DLG2: variants seen among roughly 807,000 people sequenced by gnomAD.
DLG2 encodes disks large homolog 2.
In DLG2, 45 loss-of-function variants were observed where a neutral mutation model predicts 132.5. That is an observed-to-expected ratio of 0.34 (90% CI 0.27 to 0.44). The LOEUF (loss-of-function observed/expected upper bound fraction) is 0.44. Ranked by LOEUF, DLG2 falls within the 20% of genes least tolerant of loss-of-function variation. The pLI is 1.00. For missense variants in DLG2, 1,045 were observed against 1,196.9 expected (o/e 0.87, Z 1.87); for synonymous variants, 424 against 419.6 (o/e 1.01, Z -0.13).
chr11:84,993,937 G>A (rs75743483), intron 6 of DLG2, among the ~76,000 whole-genome samples: 1,630 of 152,200 alleles, frequency 0.011, 39 homozygotes, highest in African/African-American at 0.037. Flanking sequence ...CCCATGAAAG[G>A]AGCGCTCCCT....
intron 9 of DLG2, among the ~76,000 whole-genome samples, chr11:84,129,918 G>C (rs1332901242): frequency 2.0e-5 from 3 of 151,822 alleles, no homozygotes; most frequent in Non-Finnish European, 1.5e-5. Context: ...ATTTTCATAA[G>C]ACAATTACCA....
chr11:84,362,876 A>G (rs935531026), intron 7 of DLG2, among the ~76,000 whole-genome samples: 5 of 152,144 alleles, frequency 3.3e-5, no homozygotes, highest in Admixed American at 3.3e-4. Context: ...TCCATGGTGT[A>G]TATGTGCCAT....
Position 85,544,859 on chromosome 11 carries a change from A to T in DLG2, c.40+53798T>A, listed in dbSNP as rs193066257. Among the ~76,000 whole-genome samples, 108 of 152,296 alleles carry T rather than the reference A, an allele frequency of 7.1e-4. 1 individual carries two copies. Among genetic ancestry groups the T allele is most frequent in the Admixed American group, 2.3e-3 (35 of 15,296 alleles). On this transcript the variant is annotated intron_variant, in intron 3 of 27. Transcript: ENST00000376104. ...ATTTTGTATCAATCAAACTTTGCTG[A>T]AGTTGGTTATCAGCTTAAGGAGACT...
intron 18 of DLG2, among the ~76,000 whole-genome samples, chr11:83,772,625 A>G (rs978256818): frequency 2.0e-5 from 3 of 151,942 alleles, no homozygotes; most frequent in African/African-American, 7.2e-5. Flanking sequence ...GAAAGGAAAG[A>G]AGGAAGATCT....
intron 19 of DLG2, among the ~76,000 whole-genome samples, chr11:83,552,487 C>A (rs1049093850): frequency 1.3e-5 from 2 of 152,068 alleles, no homozygotes; most frequent in Admixed American, 6.5e-5. Context: ...TCCTAGGAAG[C>A]CTCATCAGGT....
chr11:83,680,768 A>G (rs574623334), intron 18 of DLG2, among the ~76,000 whole-genome samples: 3 of 152,314 alleles, frequency 2.0e-5, no homozygotes, highest in East Asian at 1.9e-4. Context: ...AGTTTTTGGT[A>G]TAATCAGAAA....
At chr11:85,108,177 AT>A (rs2072120317) in intron 6 of DLG2, among the ~76,000 whole-genome samples, 1 of 152,104 alleles carries the variant, frequency 6.6e-6, no homozygotes, top group Non-Finnish European at 1.5e-5. Context: ...AAATGCAGAC[AT>A]GAAAACCAAG....
intron 16 of DLG2, among the ~76,000 whole-genome samples, chr11:83,849,043 T>C (rs1307555786): frequency 1.3e-5 from 2 of 152,188 alleles, no homozygotes; most frequent in African/African-American, 4.8e-5. Context: ...ATCTATTCAA[T>C]TTTTTGAAGA....
intron 6 of DLG2, among the ~76,000 whole-genome samples, chr11:85,073,704 A>G (rs961486460): frequency 1.3e-5 from 2 of 151,864 alleles, no homozygotes; most frequent in African/African-American, 4.8e-5. Context: ...AGGTTTCAAG[A>G]AGTAGGATAT....
chr11:84,471,640 T>C (rs987523464), intron 7 of DLG2, among the ~76,000 whole-genome samples: 4 of 151,740 alleles, frequency 2.6e-5, no homozygotes, highest in African/African-American at 9.7e-5. Flanking sequence ...AACAGCCAAT[T>C]TGAAATCTGA....
intron 6 of DLG2, among the ~76,000 whole-genome samples, chr11:84,612,657 C>T (rs1374973379): frequency 6.6e-6 from 1 of 151,866 alleles, no homozygotes; most frequent in Non-Finnish European, 1.5e-5. Context: ...TTTCTTAGTT[C>T]ATAAATATTT....
chr11:83,920,274 A>G (rs1280653844), intron 15 of DLG2, among the ~76,000 whole-genome samples: 1 of 152,196 alleles, frequency 6.6e-6, no homozygotes, highest in Non-Finnish European at 1.5e-5. Context: ...GCCCTCTTCA[A>G]GAGATCCTTT....
chr11:84,241,025 G>A (rs911969632), intron 8 of DLG2, among the ~76,000 whole-genome samples: 2 of 152,202 alleles, frequency 1.3e-5, no homozygotes, highest in Non-Finnish European at 2.9e-5. Flanking sequence ...CTCAGGACAT[G>A]TGAGTTGCCT....
chr11:84,750,970 TC>T (rs967795324), intron 6 of DLG2, among the ~76,000 whole-genome samples: 5 of 152,140 alleles, frequency 3.3e-5, no homozygotes, highest in Non-Finnish European at 7.3e-5. Flanking sequence ...CATTGAGGTA[TC>T]CTATTAAGTC....
chr11:84,440,815 T>A (rs917692352), intron 7 of DLG2, among the ~76,000 whole-genome samples: 7 of 152,170 alleles, frequency 4.6e-5, no homozygotes, highest in African/African-American at 1.7e-4. Context: ...ATTCTCAAGG[T>A]AAATACAATG....
At position 84,838,294 on chromosome 11, in the gene DLG2, T is replaced by C. The variant is rs556711467; in HGVS notation, c.357+273367A>G. 6.5e-4 allele frequency among the ~76,000 whole-genome samples: 99 copies of C among 151,950 alleles called. 2 individuals are homozygous for C. The South Asian group carries it at 0.02, about 30-fold the overall frequency. ...TACTAGGAGTTCCAAGAGGAGGTCT[T>C]ATGTCTGCCTCAGAAAATGTTTCTT... On this transcript the variant is annotated intron_variant, in intron 6 of 27. Coordinates refer to ENST00000376104, the MANE Select transcript of DLG2 (RefSeq NM_001142699.3).
At chr11:83,832,556 G>T (rs2054865033) in intron 17 of DLG2, among the ~76,000 whole-genome samples, 1 of 152,056 alleles carries the variant, frequency 6.6e-6, no homozygotes, top group Non-Finnish European at 1.5e-5. Context: ...CGAAATACTG[G>T]ATACTCATGG....
intron 7 of DLG2, among the ~76,000 whole-genome samples, chr11:84,350,657 A>G (rs2098560464): frequency 6.6e-6 from 1 of 152,216 alleles, no homozygotes. Flanking sequence ...TAATCATTCA[A>G]TAAATGTTTC....
At chr11:84,540,138 C>T (rs1004339280) in intron 6 of DLG2, among the ~76,000 whole-genome samples, 1 of 152,066 alleles carries the variant, frequency 6.6e-6, no homozygotes, top group African/African-American at 2.4e-5. Flanking sequence ...TGGGCAAGAA[C>T]TTCATGTCTA....
Sources: allele counts gnomAD v4.1 joint callset (sites outside exome capture counted in the v4.1 genomes callset), GRCh38; gene constraint gnomAD v4.1.1; transcripts MANE v1.5; gene names NCBI Gene and HGNC (gene_info 2026-07-23, HGNC 2026-07-21).